The following MIB1 variants were observed in gnomAD, a reference collection of about 807,000 sequenced individuals.
MIB1 encodes E3 ubiquitin-protein ligase MIB1.
A neutral mutation model predicts 124.5 loss-of-function variants in MIB1; 278 were observed. The ratio of observed to expected loss-of-function variants is 2.23; its 90% CI spans 2.02 to 2.47. The LOEUF is 2.47. Ranked by LOEUF, MIB1 falls within the 30% of genes most tolerant of loss-of-function variation. The probability of loss-of-function intolerance (pLI) is 0.00; values close to 1 mark genes in which losing one functional copy is unlikely to be tolerated. For synonymous variants in MIB1, 446 were observed against 429.4 expected, an observed-to-expected ratio of 1.04 and a Z score of -0.48; for missense variants, 957 against 1,254.4, an observed-to-expected ratio of 0.76 and a Z score of 3.58.
chr18:21,723,541 A>T (rs1162115866), intron 1 of MIB1, among the ~76,000 whole-genome samples: 1 of 151,814 alleles, frequency 6.6e-6, no homozygotes, highest in East Asian at 1.9e-4. Flanking sequence ...TTTGAGACAG[A>T]GTCTTTCTCT....
At chr18:21,763,734 C>G (rs1179378093) in intron 1 of MIB1, among the ~76,000 whole-genome samples, 1 of 152,086 alleles carries the variant, frequency 6.6e-6, no homozygotes, top group East Asian at 1.9e-4. Context: ...TCTTTTGTCT[C>G]CTGACCCATA....
At chr18:21,732,674 T>C (rs2040777287) in intron 1 of MIB1, among the ~76,000 whole-genome samples, 2 of 152,080 alleles carry the variant, frequency 1.3e-5, no homozygotes, top group South Asian at 4.1e-4. Context: ...GCTGGGATTA[T>C]AGGCCTTAAA....
At chr18:21,791,673 A>G (rs930215294) in intron 7 of MIB1, 116 bp downstream of exon 7, 16 of 757,866 alleles carry the variant, frequency 2.1e-5, no homozygotes, top group African/African-American at 7.2e-5. Context: ...TGTACTCTCC[A>G]TTTGCACCTA....
At chr18:21,807,685 A>G (rs771762548) in intron 10 of MIB1, among the ~76,000 whole-genome samples, 10 of 152,320 alleles carry the variant, frequency 6.6e-5, no homozygotes, top group East Asian at 3.9e-4. Context: ...TGAATGTCCT[A>G]CAGAGCTCAG....
chr18:21,812,666 A>G (rs1385926633), intron 10 of MIB1, among the ~76,000 whole-genome samples: 1 of 152,232 alleles, frequency 6.6e-6, no homozygotes, highest in African/African-American at 2.4e-5. Flanking sequence ...TAAGATAGGC[A>G]ATACTAAATA....
chr18:21,834,177 A>T (rs2042006886), intron 12 of MIB1, among the ~76,000 whole-genome samples: 1 of 152,224 alleles, frequency 6.6e-6, no homozygotes, highest in East Asian at 1.9e-4. Context: ...GAAAGGAGAC[A>T]GGCTGCTCTG....
chr18:21,821,441 TTTC>T (rs957943510), intron 12 of MIB1, among the ~76,000 whole-genome samples: 14 of 152,282 alleles, frequency 9.2e-5, no homozygotes, highest in African/African-American at 3.1e-4. Flanking sequence ...TGCTGTCTGC[TTTC>T]TTCTTCTATT....
At chr18:21,774,021 G>A (rs553162400) in intron 4 of MIB1, among the ~76,000 whole-genome samples, 3 of 152,248 alleles carry the variant, frequency 2.0e-5, no homozygotes, top group South Asian at 2.1e-4. Flanking sequence ...ATTCCTTGAC[G>A]TGGATGGACC....
At chr18:21,813,117 G>T (rs182856045) in intron 10 of MIB1, among the ~76,000 whole-genome samples, 64 of 151,636 alleles carry the variant, frequency 4.2e-4, no homozygotes, top group Middle Eastern at 3.4e-3. Flanking sequence ...TTGACAGCCT[G>T]CATTAAGTGT....
chr18:21,730,722 C>G (rs994126252), intron 1 of MIB1, among the ~76,000 whole-genome samples: 1 of 152,214 alleles, frequency 6.6e-6, no homozygotes, highest in African/African-American at 2.4e-5. Context: ...AACAATTTCT[C>G]TGACTTAAAT....
intron 18 of MIB1, 93 bp from the exon 19 acceptor site, chr18:21,857,037 G>A (rs2042235151): frequency 3.8e-6 from 3 of 786,164 alleles, no homozygotes; most frequent in African/African-American, 3.4e-5. Context: ...ATTTATTTCA[G>A]TGTGAAATTT....
intron 1 of MIB1, among the ~76,000 whole-genome samples, chr18:21,755,796 C>T (rs923393002): frequency 1.8e-4 from 28 of 152,300 alleles, no homozygotes; most frequent in African/African-American, 6.5e-4. Context: ...AATTTACTTT[C>T]ATGGATATTT....
chr18:21,799,179 C>A (rs1490467463), intron 8 of MIB1, among the ~76,000 whole-genome samples: 1 of 151,948 alleles, frequency 6.6e-6, no homozygotes, highest in Non-Finnish European at 1.5e-5. Flanking sequence ...ATAATAAGTA[C>A]CCCAAGAATT....
intron 12 of MIB1, among the ~76,000 whole-genome samples, chr18:21,830,966 C>T (rs2041973775): frequency 6.6e-6 from 1 of 151,906 alleles, no homozygotes; most frequent in African/African-American, 2.4e-5. Flanking sequence ...ATATAACAGT[C>T]TTGCACAGTT....
intron 6 of MIB1, among the ~76,000 whole-genome samples, chr18:21,781,420 T>A (rs2041366878): frequency 7.8e-6 from 1 of 128,820 alleles, no homozygotes; most frequent in Admixed American, 8.1e-5. Context: ...TATATAAAAT[T>A]ATTATTATTA....
chr18:21,807,832 A>G (rs2041726216), intron 10 of MIB1, among the ~76,000 whole-genome samples: 1 of 152,048 alleles, frequency 6.6e-6, no homozygotes, highest in South Asian at 2.1e-4. Flanking sequence ...TTTTTTTATC[A>G]ACTTTTTTAT....
At chr18:21,754,415 G>C (rs1203178810) in intron 1 of MIB1, among the ~76,000 whole-genome samples, 3 of 152,140 alleles carry the variant, frequency 2.0e-5, no homozygotes, top group African/African-American at 7.2e-5. Context: ...GACCAAATCT[G>C]TCACCGTGTC....
intron 17 of MIB1, among the ~76,000 whole-genome samples, chr18:21,852,437 G>T (rs940414114): frequency 6.6e-6 from 1 of 152,194 alleles, no homozygotes; most frequent in Admixed American, 6.5e-5. Context: ...GTGAAAGACA[G>T]ATGAGTAGCC....
At chr18:21,742,064 GAC>G (rs1419538039) in intron 1 of MIB1, among the ~76,000 whole-genome samples, 2 of 152,212 alleles carry the variant, frequency 1.3e-5, no homozygotes, top group Non-Finnish European at 2.9e-5. Flanking sequence ...AAGCCTGGAA[GAC>G]ACAAAGCACC....
Sources: gnomAD v4.1 joint callset for allele counts (sites outside exome capture counted in the v4.1 genomes callset) on GRCh38, gnomAD v4.1.1 for gene constraint, MANE v1.5 for transcripts, NCBI Gene and HGNC (gene_info 2026-07-23, HGNC 2026-07-21) for gene names.